RBFOX1: variants seen among roughly 807,000 people sequenced by gnomAD.
RBFOX1 encodes the protein RNA binding fox-1 homolog 1.
Under a neutral mutation model 57.7 loss-of-function variants are expected in RBFOX1, and 8 were observed. The observed-to-expected ratio is 0.14, with a 90% CI of 0.08 to 0.25. The LOEUF is 0.25. RBFOX1 is among the 10% of genes least tolerant of loss of function. The probability of loss-of-function intolerance (pLI) is 1.00; values close to 1 mark genes in which losing one functional copy is unlikely to be tolerated. For missense variants in RBFOX1, 611 were observed against 548.5 expected (o/e 1.11, Z -1.14); for synonymous variants, 326 against 222.4 (o/e 1.47, Z -4.15).
At chr16:6,415,874 A>G (rs745323094) in intron 2 of RBFOX1, among the ~76,000 whole-genome samples, 2 of 152,094 alleles carry the variant, frequency 1.3e-5, no homozygotes, top group African/African-American at 2.4e-5. Flanking sequence ...AATAAGAAAC[A>G]TTTTCTGCAG....
chr16:6,141,496 C>T (rs961440385), intron 1 of RBFOX1, among the ~76,000 whole-genome samples: 7 of 152,126 alleles, frequency 4.6e-5, no homozygotes, highest in African/African-American at 1.7e-4. Context: ...TCATCCTCTG[C>T]GTCCTGTGGT....
intron 4 of RBFOX1, among the ~76,000 whole-genome samples, chr16:7,512,096 A>G (rs944384206): frequency 6.6e-5 from 10 of 152,140 alleles, no homozygotes; most frequent in African/African-American, 2.2e-4. Flanking sequence ...TGATCATTCC[A>G]CTTATTTAGG....
At chr16:6,816,394 G>C (rs1390633987) in intron 3 of RBFOX1, among the ~76,000 whole-genome samples, 1 of 149,980 alleles carries the variant, frequency 6.7e-6, no homozygotes, top group Admixed American at 6.7e-5. Flanking sequence ...CTTCGGTTTT[G>C]TTGTTGCCAG....
intron 2 of RBFOX1, among the ~76,000 whole-genome samples, chr16:6,385,026 A>G (rs1184292186): frequency 2.3e-4 from 35 of 152,222 alleles, no homozygotes; most frequent in African/African-American, 4.8e-5. Flanking sequence ...CCTGTTTGCT[A>G]TCTACAAATT....
chr16:6,893,893 G>A (rs748029503), intron 3 of RBFOX1, among the ~76,000 whole-genome samples: 29 of 152,158 alleles, frequency 1.9e-4, no homozygotes, highest in Non-Finnish European at 3.7e-4. Flanking sequence ...GATAGGGTCA[G>A]CTGTCACACA....
chr16:6,102,806 T>G (rs574804077), intron 1 of RBFOX1, among the ~76,000 whole-genome samples: 1 of 152,338 alleles, frequency 6.6e-6, no homozygotes, highest in South Asian at 2.1e-4. Context: ...TCCTGGTTTT[T>G]ATTATAGAAT....
At chr16:7,624,290 A>G (rs2059748684) in intron 10 of RBFOX1, among the ~76,000 whole-genome samples, 2 of 152,262 alleles carry the variant, frequency 1.3e-5, no homozygotes, top group African/African-American at 4.8e-5. Context: ...TGATAGAATT[A>G]TATAGCAGAA....
chr16:6,455,139 C>G (rs983062114), intron 2 of RBFOX1, among the ~76,000 whole-genome samples: 1 of 151,734 alleles, frequency 6.6e-6, no homozygotes, highest in Non-Finnish European at 1.5e-5. Flanking sequence ...AGGATCCACC[C>G]GCCCTGGCCT....
chr16:6,166,441 T>C (rs1176799359), intron 1 of RBFOX1, among the ~76,000 whole-genome samples: 1 of 150,592 alleles, frequency 6.6e-6, no homozygotes, highest in African/African-American at 2.4e-5. Context: ...CATCAAGGTG[T>C]CTCTCTCTTT....
intron 2 of RBFOX1, among the ~76,000 whole-genome samples, chr16:6,508,248 A>T (rs2096160848): frequency 6.6e-6 from 1 of 152,140 alleles, no homozygotes; most frequent in Admixed American, 6.5e-5. Context: ...AGGATCAGGA[A>T]AAATAACTAA....
intron 4 of RBFOX1, among the ~76,000 whole-genome samples, chr16:5,932,499 A>G (rs2059082489): frequency 6.6e-6 from 1 of 152,240 alleles, no homozygotes; most frequent in South Asian, 2.1e-4. Context: ...GACCCCAGCC[A>G]TGCCATGCTA....
chr16:5,817,352 A>G (rs757686358), intron 3 of RBFOX1, among the ~76,000 whole-genome samples: 7 of 152,208 alleles, frequency 4.6e-5, no homozygotes, highest in Non-Finnish European at 8.8e-5. Flanking sequence ...GCAGGTACTG[A>G]TGGATAACGG....
chr16:5,476,815 T>A (rs1215660361), intron 2 of RBFOX1, among the ~76,000 whole-genome samples: 2 of 152,172 alleles, frequency 1.3e-5, no homozygotes, highest in Non-Finnish European at 2.9e-5. Context: ...AGAAATCCTT[T>A]CCTCAAGATG....
chr16:7,677,397 C>T (rs944537878), intron 14 of RBFOX1, among the ~76,000 whole-genome samples: 1 of 152,154 alleles, frequency 6.6e-6, no homozygotes, highest in Non-Finnish European at 1.5e-5. Flanking sequence ...TGCCCAGTGT[C>T]CAATCCTACA....
intron 3 of RBFOX1, among the ~76,000 whole-genome samples, chr16:6,784,890 G>C (rs11864216): frequency 0.11 from 16,765 of 151,964 alleles, 1,043 homozygotes; most frequent in African/African-American, 0.16. Flanking sequence ...AGGTCGGCTG[G>C]AGTTATTGTC....
intron 3 of RBFOX1, among the ~76,000 whole-genome samples, chr16:6,767,408 C>T (rs940445361): frequency 6.6e-6 from 1 of 152,180 alleles, no homozygotes; most frequent in Non-Finnish European, 1.5e-5. Context: ...GACTGAGTTC[C>T]AATTCTCTGA....
chr16:5,856,348 TA>T, intron 3 of RBFOX1, among the ~76,000 whole-genome samples: 1 of 136,418 alleles, frequency 7.3e-6, no homozygotes, highest in South Asian at 2.2e-4. Flanking sequence ...TATATATATA[TA>T]TATAATGTTA....
rs1395193755 is a variant in RBFOX1, at chr16:6,317,038, T to G, written c.-83T>G. ...CATGCAAGTGGAACTTACAGCTTCC[T>G]TGATCGGACTCAGCATTCAGTAAGT... is the stretch of plus-strand genomic sequence containing the variant. On this transcript the variant is annotated 5_prime_UTR_variant, in exon 2 of 16. Coordinates refer to ENST00000550418, the MANE Select transcript of RBFOX1 (RefSeq NM_018723.4). The G allele has an allele frequency of 6.5e-7, 1 of 1,535,518 alleles. No individual in the cohort carries two copies. The highest frequency in any genetic ancestry group is 1.4e-5 in the African/African-American group (1 of 73,148).
At position 5,509,218 on chromosome 16, in the gene RBFOX1, T is replaced by C. The variant is rs113956271; in HGVS notation, c.258+41964T>C. On this transcript the variant is annotated intron_variant, in intron 2 of 2. Coordinates refer to the RBFOX1 transcript ENST00000585867. The stretch of plus-strand genomic sequence containing the variant: ...CAGGGTGGTGCAAGAGCAGGAAGTG[T>C]TGGGATATGACTGAGCCCTGGGGAA... Among the ~76,000 whole-genome samples the C allele has an allele frequency of 5.9e-3, 901 of 152,306 alleles. 4 individuals are homozygous for C. Among genetic ancestry groups the C allele is most frequent in the African/African-American group, 0.02 (819 of 41,568 alleles).
Sources: allele counts gnomAD v4.1 joint callset (sites outside exome capture counted in the v4.1 genomes callset), GRCh38; gene constraint gnomAD v4.1.1; transcripts MANE v1.5; gene names NCBI Gene and HGNC (gene_info 2026-07-23, HGNC 2026-07-21).